Variants in MCF2 observed in about 807,000 individuals in gnomAD.
The protein encoded by MCF2 is proto-oncogene DBL.
In MCF2, 44 loss-of-function variants were observed where a neutral mutation model predicts 82.5. The ratio of observed to expected loss-of-function variants is 0.53; its 90% CI spans 0.42 to 0.69. MCF2 has a LOEUF of 0.69. Among genes scored for constraint, MCF2 ranks in the 30% least tolerant of loss-of-function variants. MCF2 has a pLI of 0.00. For synonymous variants in MCF2, 217 were observed against 224.9 expected, an observed-to-expected ratio of 0.96 and a Z score of 0.32; for missense variants, 623 against 663.1, an observed-to-expected ratio of 0.94 and a Z score of 0.66.
intron 1 of MCF2, among the ~76,000 whole-genome samples, chrX:139,683,693 A>C (rs1000098093): frequency 8.9e-6 from 1 of 112,117 alleles, no homozygotes; most frequent in African/African-American, 3.2e-5. Flanking sequence ...AGGTTAATTT[A>C]TTTTCATCCA....
At chrX:139,596,355 A>T (rs751555003) in intron 19 of MCF2, among the ~76,000 whole-genome samples, 194 bp downstream of exon 23, 12 of 111,015 alleles carry the variant, frequency 1.1e-4, no homozygotes, top group African/African-American at 3.3e-4. Context: ...CAAAGCTCTG[A>T]ATTACCTCAC....
intron 1 of MCF2, among the ~76,000 whole-genome samples, chrX:139,672,287 C>T (rs1292004121): frequency 4.5e-5 from 5 of 112,306 alleles, no homozygotes; most frequent in Non-Finnish European, 9.4e-5. Flanking sequence ...TCTTCTTTTC[C>T]TAACTGAATA....
intron 1 of MCF2, 83 bp from the exon 5 acceptor site, chrX:139,632,537 T>G: frequency 1.3e-6 from 1 of 783,105 alleles, no homozygotes; most frequent in South Asian, 3.7e-5. Context: ...AATATGTAAC[T>G]GAAGGAAACA....
intron 6 of MCF2, among the ~76,000 whole-genome samples, chrX:139,622,412 T>A (rs867078350): frequency 1.8e-5 from 2 of 111,814 alleles, no homozygotes; most frequent in South Asian, 3.8e-4. Flanking sequence ...ATCCTGCTGC[T>A]ATAAAGACAT....
intron 1 of MCF2, among the ~76,000 whole-genome samples, chrX:139,632,665 C>G (rs990014153): frequency 1.8e-5 from 2 of 111,573 alleles, no homozygotes; most frequent in African/African-American, 6.5e-5. Flanking sequence ...CCTTGCAACA[C>G]TTCTGGTACG....
At chrX:139,600,231 T>C (rs1398567234) in intron 16 of MCF2, among the ~76,000 whole-genome samples, 1 of 111,416 alleles carries the variant, frequency 9.0e-6, no homozygotes, top group Non-Finnish European at 1.9e-5. Flanking sequence ...TGTACAACCT[T>C]GTGAATCTAG....
rs777063693 is a variant in MCF2, at chrX:139,669,976, GA to G, written c.-44-18189del. Among the ~76,000 whole-genome samples the G allele has an allele frequency of 2.7e-5, 3 of 111,777 alleles. No homozygotes were observed. The South Asian group carries it at 1.1e-3, about 42-fold the overall frequency. ...AAAATGTTCTAAAATTGATTGCAGT[GA>G]TGGTTATGTACACCTCTGCGAATAT... On this transcript the variant is annotated intron_variant, in intron 1 of 27. Transcript: ENST00000414978.
chrX:139,692,575 T>A (rs1479831751), intron 1 of MCF2, among the ~76,000 whole-genome samples: 1 of 111,727 alleles, frequency 9.0e-6, no homozygotes, highest in East Asian at 2.8e-4. Flanking sequence ...GATTCCCATT[T>A]TCGAGGGACG....
intron 21 of MCF2, 122 bp from the exon 26 acceptor site, chrX:139,587,910 C>A (rs904935344): frequency 1.1e-5 from 5 of 449,232 alleles, no homozygotes; most frequent in Non-Finnish European, 1.9e-5. Flanking sequence ...TGCCATTAGA[C>A]TTAAGCTTCA....
chrX:139,619,260 T>G (rs1009319093), intron 7 of MCF2, among the ~76,000 whole-genome samples: 2 of 110,582 alleles, frequency 1.8e-5, no homozygotes, highest in Non-Finnish European at 3.8e-5. Flanking sequence ...ATATCTGTAG[T>G]GTCACCTCTG....
chrX:139,626,180 T>C lies in MCF2; in HGVS notation c.687+13A>G. 1.9e-6 allele frequency: 2 copies of C among 1,070,025 alleles called. No individual in the cohort carries two copies. The highest frequency in any genetic ancestry group is 2.6e-6 in the Non-Finnish European group (2 of 781,925). 88.2% of individuals were successfully genotyped at this position (1,070,025 alleles called of 1,213,427 possible). ...TAATGAAAAAAGGTATACAAAGAAATGTTTTAACTGACCTGTTGAAAATCC... is the reference window on the plus strand; with the variant it reads ...TAATGAAAAAAGGTATACAAAGAAACGTTTTAACTGACCTGTTGAAAATCC... On this transcript the variant is annotated intron_variant, in intron 6 of 24. Transcript: ENST00000370576.
At chrX:139,588,371 T>C (rs1929170714) in exon 21 of MCF2, 14 of 1,206,205 alleles carry the variant, frequency 1.2e-5, no homozygotes, top group Non-Finnish European at 1.6e-5. Context: ...TGTCAAAAGT[T>C]CCTGCTGCTT....
At chrX:139,613,907 G>C (rs886883426) in intron 10 of MCF2, among the ~76,000 whole-genome samples, 1 of 110,615 alleles carries the variant, frequency 9.0e-6, no homozygotes, top group African/African-American at 3.3e-5. Context: ...TCTTAGCCTA[G>C]TTACCTGCTT....
At chrX:139,686,959 T>A (rs1387660562) in intron 1 of MCF2, among the ~76,000 whole-genome samples, 1 of 111,548 alleles carries the variant, frequency 9.0e-6, no homozygotes, top group African/African-American at 3.3e-5. Flanking sequence ...CTGACTCAGG[T>A]TAAAAGCCTA....
At chrX:139,605,423 G>T (rs903081439) in intron 13 of MCF2, among the ~76,000 whole-genome samples, 1 of 111,084 alleles carries the variant, frequency 9.0e-6, no homozygotes, top group Non-Finnish European at 1.9e-5. Context: ...TTTACATCAC[G>T]ATCTCTAAAT....
At chrX:139,636,708 A>C (rs761491853) in intron 1 of MCF2, among the ~76,000 whole-genome samples, 16 of 112,042 alleles carry the variant, frequency 1.4e-4, no homozygotes, top group African/African-American at 5.2e-4. Context: ...AGCAGGGAAC[A>C]AAGTAGAAAG....
chrX:139,628,925 T>G (rs1932833149), intron 4 of MCF2, among the ~76,000 whole-genome samples: 1 of 111,705 alleles, frequency 9.0e-6, no homozygotes, highest in Non-Finnish European at 1.9e-5. Flanking sequence ...CAAGACCTAG[T>G]ATTCTGCAGA....
intron 1 of MCF2, among the ~76,000 whole-genome samples, chrX:139,676,501 T>C (rs1210789534): frequency 3.6e-5 from 4 of 112,106 alleles, no homozygotes; most frequent in Non-Finnish European, 7.5e-5. Context: ...GCATTTCCTA[T>C]AGAGGTCATA....
At chrX:139,616,322 A>G in exon 9 of MCF2, 1 of 1,158,341 alleles carries the variant, frequency 8.6e-7, no homozygotes, top group Non-Finnish European at 1.2e-6. Flanking sequence ...TTCATACTGC[A>G]GTGTTTCAGG....
Sources: gnomAD v4.1 joint callset for allele counts (sites outside exome capture counted in the v4.1 genomes callset) on GRCh38, gnomAD v4.1.1 for gene constraint, MANE v1.5 for transcripts, NCBI Gene and HGNC (gene_info 2026-07-23, HGNC 2026-07-21) for gene names.